CA10: variants seen among roughly 807,000 people sequenced by gnomAD.
The protein encoded by CA10 is carbonic anhydrase 10 (inactive), also known as carbonic anhydrase-related protein 10.
A neutral mutation model predicts 44.2 loss-of-function variants in CA10; 14 were observed. That is an observed-to-expected ratio of 0.32 (90% confidence interval 0.21 to 0.50). The LOEUF (loss-of-function observed/expected upper bound fraction) is 0.50. Ranked by LOEUF, CA10 falls within the 20% of genes least tolerant of loss-of-function variation. The probability of loss-of-function intolerance (pLI) is 0.99; values close to 1 mark genes in which losing one functional copy is unlikely to be tolerated. For missense variants in CA10, 350 were observed against 409.7 expected (o/e 0.85, Z 1.26); for synonymous variants, 159 against 141.6 (o/e 1.12, Z -0.87).
intron 3 of CA10, among the ~76,000 whole-genome samples, chr17:51,903,749 A>C (rs1321645465): frequency 6.6e-6 from 1 of 152,174 alleles, no homozygotes; most frequent in Non-Finnish European, 1.5e-5. Flanking sequence ...CATTATGTCA[A>C]AAACTACACT....
chr17:51,645,408 T>C (rs1449362155), intron 6 of CA10, among the ~76,000 whole-genome samples: 5 of 152,210 alleles, frequency 3.3e-5, no homozygotes, highest in Non-Finnish European at 1.5e-5. Context: ...TATATGTCAG[T>C]AATGGCAATG....
chr17:51,651,226 G>T (rs1399820075), intron 5 of CA10, among the ~76,000 whole-genome samples: 1 of 152,166 alleles, frequency 6.6e-6, no homozygotes, highest in Non-Finnish European at 1.5e-5. Flanking sequence ...AACTACAAGA[G>T]GCTGTGCACC....
chr17:51,761,210 C>T (rs1267994255), intron 3 of CA10: 1 of 152,074 alleles, frequency 6.6e-6, no homozygotes, highest in Non-Finnish European at 1.5e-5. Context: ...TTGTTTCCTA[C>T]CCCCAAAACA....
chr17:51,753,372 T>G (rs1380591826), intron 3 of CA10, among the ~76,000 whole-genome samples: 3 of 152,264 alleles, frequency 2.0e-5, no homozygotes, highest in Non-Finnish European at 4.4e-5. Flanking sequence ...CACAGTGCTT[T>G]GCAGCAGTCA....
Position 51,854,236 on chromosome 17 carries a change from G to T in CA10, c.279+76754C>A, listed in dbSNP as rs1010833825. Among the ~76,000 whole-genome samples, 3 of 152,132 alleles carry T rather than the reference G, an allele frequency of 2.0e-5. No homozygotes were observed. In the South Asian group the frequency reaches 6.2e-4, roughly 31 times the overall value. ...GTCCCTGGTGAGAAACTGAGGCCAAGTCAATAGGTTCACAGGGCAGGGGTG... is the reference window on the plus strand; with the variant it reads ...GTCCCTGGTGAGAAACTGAGGCCAATTCAATAGGTTCACAGGGCAGGGGTG... On this transcript the variant is annotated intron_variant, in intron 3 of 8. Coordinates refer to ENST00000451037, the MANE Select transcript of CA10 (RefSeq NM_020178.5).
At chr17:52,126,045 T>C (rs930784140) in intron 1 of CA10, among the ~76,000 whole-genome samples, 1 of 151,994 alleles carries the variant, frequency 6.6e-6, no homozygotes, top group Non-Finnish European at 1.5e-5. Flanking sequence ...CCTCAAAAGG[T>C]TTTCCAGTAA....
chr17:52,102,137 TCC>T (rs1988554332), intron 1 of CA10, among the ~76,000 whole-genome samples: 1 of 152,180 alleles, frequency 6.6e-6, no homozygotes, highest in African/African-American at 2.4e-5. Context: ...CAAATTACTT[TCC>T]CATGTATTCT....
intron 3 of CA10, among the ~76,000 whole-genome samples, chr17:51,759,072 C>A (rs904968725): frequency 6.6e-6 from 1 of 152,170 alleles, no homozygotes. Flanking sequence ...GGTTAAAATT[C>A]GGCTTTAAAC....
At position 52,103,154 on chromosome 17, in the gene CA10, T is replaced by C. The variant is rs1988580241; in HGVS notation, c.62-30761A>G. 3.9e-5 allele frequency among the ~76,000 whole-genome samples: 6 copies of C among 152,366 alleles called. No homozygotes were observed. The South Asian group carries it at 1.2e-3, about 32-fold the overall frequency. ...GAGTCTGAGGGTTATACCCAGCACC[T>C]GTGTTTTGTAAAACCATCTTCCCTG... On this transcript the variant is annotated intron_variant, in intron 1 of 8. Transcript: ENST00000451037.
At chr17:51,943,161 C>T (rs986450215) in intron 2 of CA10, among the ~76,000 whole-genome samples, 35 of 152,292 alleles carry the variant, frequency 2.3e-4, no homozygotes, top group African/African-American at 7.7e-4. Flanking sequence ...TAGTCAAATT[C>T]TATACCTCTT....
intron 4 of CA10, among the ~76,000 whole-genome samples, chr17:51,661,421 G>C (rs1286456113): frequency 6.6e-6 from 1 of 152,120 alleles, no homozygotes; most frequent in African/African-American, 2.4e-5. Flanking sequence ...GCAAAGCCTG[G>C]TTTCACCCTT....
chr17:52,103,229 G>T (rs1193197318), intron 1 of CA10, among the ~76,000 whole-genome samples: 1 of 152,162 alleles, frequency 6.6e-6, no homozygotes. Context: ...ATTTAGCGCA[G>T]GAGGATAGCG....
intron 4 of CA10, among the ~76,000 whole-genome samples, chr17:51,697,699 A>T (rs1452740226): frequency 6.6e-6 from 1 of 152,198 alleles, no homozygotes; most frequent in Non-Finnish European, 1.5e-5. Context: ...CAGCAACTAG[A>T]ACACAGCCTG....
chr17:52,032,904 G>T (rs933218657), intron 2 of CA10, among the ~76,000 whole-genome samples: 7 of 152,246 alleles, frequency 4.6e-5, no homozygotes, highest in African/African-American at 1.7e-4. Context: ...CAAAAATTCT[G>T]CAAGGACAAC....
At chr17:51,800,839 G>T (rs941415421) in intron 3 of CA10, among the ~76,000 whole-genome samples, 1 of 152,174 alleles carries the variant, frequency 6.6e-6, no homozygotes, top group African/African-American at 2.4e-5. Flanking sequence ...TTTAGGCTCA[G>T]ATATCTTTCC....
chr17:51,911,714 G>A (rs1981796899), intron 3 of CA10, among the ~76,000 whole-genome samples: 1 of 152,166 alleles, frequency 6.6e-6, no homozygotes, highest in South Asian at 2.1e-4. Flanking sequence ...AGATACCTCT[G>A]CAGAATCTGT....
chr17:52,114,790 A>C (rs1035341456), intron 1 of CA10, among the ~76,000 whole-genome samples: 1 of 152,138 alleles, frequency 6.6e-6, no homozygotes, highest in South Asian at 2.1e-4. Flanking sequence ...TAATTAATTC[A>C]AAAATTGTCC....
intron 2 of CA10, among the ~76,000 whole-genome samples, chr17:52,032,504 C>G (rs1333738065): frequency 6.6e-6 from 1 of 152,110 alleles, no homozygotes. Context: ...TCTTTCTTTT[C>G]CTTTAGTTAC....
At position 51,858,972 on chromosome 17, in the gene CA10, G is replaced by A. The variant is rs181154903; in HGVS notation, c.279+72018C>T. 2.0e-5 allele frequency among the ~76,000 whole-genome samples: 3 copies of A among 151,704 alleles called. No homozygotes were observed. The East Asian group carries it at 5.8e-4, about 29-fold the overall frequency. On this transcript the variant is annotated intron_variant, in intron 3 of 8. Transcript: ENST00000451037. ...CCATTTGCAAAATGGGAACAATAAGGGTACCTCCCTATATAGGATGTGGTG... is the reference window on the plus strand; with the variant it reads ...CCATTTGCAAAATGGGAACAATAAGAGTACCTCCCTATATAGGATGTGGTG...
Sources: gnomAD v4.1 joint callset for allele counts (sites outside exome capture counted in the v4.1 genomes callset) on GRCh38, gnomAD v4.1.1 for gene constraint, MANE v1.5 for transcripts, NCBI Gene and HGNC (gene_info 2026-07-23, HGNC 2026-07-21) for gene names.